Variants in MTUS2 observed in about 807,000 individuals in gnomAD.
The protein encoded by MTUS2 is microtubule associated scaffold protein 2.
MTUS2 carries 40 observed loss-of-function variants against 114.1 expected under a neutral mutation model. The observed-to-expected ratio is 0.35, with a 90% confidence interval of 0.27 to 0.46. The LOEUF is 0.46. Among genes scored for constraint, MTUS2 ranks in the 20% least tolerant of loss-of-function variants. The probability of loss-of-function intolerance (pLI) is 1.00; values close to 1 mark genes in which losing one functional copy is unlikely to be tolerated. For synonymous variants in MTUS2, 688 were observed against 672.0 expected, an observed-to-expected ratio of 1.02 and a Z score of -0.37; for missense variants, 1,679 against 1,705.4, an observed-to-expected ratio of 0.98 and a Z score of 0.27.
At chr13:28,992,561 A>G (rs1181851130) in intron 2 of MTUS2, among the ~76,000 whole-genome samples, 1 of 152,164 alleles carries the variant, frequency 6.6e-6, no homozygotes, top group African/African-American at 2.4e-5. Context: ...ACTTCCAGGA[A>G]GGTACTATTG....
chr13:29,216,007 C>T (rs1348425229), intron 5 of MTUS2, among the ~76,000 whole-genome samples: 1 of 152,188 alleles, frequency 6.6e-6, no homozygotes, highest in East Asian at 1.9e-4. Context: ...TGCTCTGTCC[C>T]AGGGAGATCG....
intron 2 of MTUS2, among the ~76,000 whole-genome samples, chr13:28,903,444 T>C (rs1399205595): frequency 2.4e-5 from 3 of 125,036 alleles, no homozygotes; most frequent in African/African-American, 9.3e-5. Context: ...CCCTGGTGTG[T>C]GATGTTCCCC....
chr13:28,918,701 A>T (rs780074693), intron 2 of MTUS2, among the ~76,000 whole-genome samples: 1 of 151,066 alleles, frequency 6.6e-6, no homozygotes, highest in African/African-American at 2.4e-5. Flanking sequence ...GTAAGAGCTT[A>T]CTCTTGCTAT....
chr13:29,159,053 A>C (rs1217383968), intron 5 of MTUS2, among the ~76,000 whole-genome samples: 1 of 152,242 alleles, frequency 6.6e-6, no homozygotes, highest in Non-Finnish European at 1.5e-5. Context: ...TGCTGCTTTA[A>C]AAATGATGTG....
intron 2 of MTUS2, among the ~76,000 whole-genome samples, chr13:28,846,979 G>A (rs546492717): frequency 2.2e-4 from 33 of 152,250 alleles, no homozygotes; most frequent in South Asian, 1.9e-3. Context: ...CACGTAATGG[G>A]GATCCATAAA....
chr13:29,344,889 A>G (rs1198290489), intron 7 of MTUS2, among the ~76,000 whole-genome samples: 1 of 152,164 alleles, frequency 6.6e-6, no homozygotes, highest in East Asian at 1.9e-4. Flanking sequence ...TGTTTGTATG[A>G]AAAAATTCTG....
rs751796555 is a variant in MTUS2 at position 29,024,897 on chromosome 13, G to A, written c.199G>A (p.Glu67Lys). ...TGAAATTGGAAATACAAATTCAAGT[G>A]AGCCAGAAAACCGTACCCATTTCCA... ...GDEIGNTNSS[E>K]PENRTHFHKE... Residue 67 changes from glutamate (E) to lysine (K), a missense_variant, in exon 3 of 16, where the codon GAG becomes AAG. Around this residue, in one of 3 missense-constraint regions of MTUS2, gnomAD observed 843 missense variants for 770.8 expected, o/e 1.09. Transcript: ENST00000612955. The A allele has an allele frequency of 6.2e-7, 1 of 1,613,894 alleles. No individual in the cohort carries two copies. The highest frequency in any genetic ancestry group is 2.2e-5 in the East Asian group (1 of 44,876).
At chr13:29,150,419 C>T (rs139478775) in intron 5 of MTUS2, among the ~76,000 whole-genome samples, 61 of 152,142 alleles carry the variant, frequency 4.0e-4, no homozygotes, top group Middle Eastern at 3.4e-3. Flanking sequence ...CACTTAAGTT[C>T]CTTATGGATT....
chr13:28,833,466 CATCTT>C (rs1180389717), intron 1 of MTUS2, among the ~76,000 whole-genome samples: 2 of 151,964 alleles, frequency 1.3e-5, no homozygotes, highest in Non-Finnish European at 2.9e-5. Context: ...ACCCCATAAT[CATCTT>C]AATAGAAACA....
intron 6 of MTUS2, among the ~76,000 whole-genome samples, chr13:29,283,872 C>T (rs1438182187): frequency 6.6e-6 from 1 of 152,130 alleles, no homozygotes; most frequent in Non-Finnish European, 1.5e-5. Context: ...GATTATGATA[C>T]CCTACCAATC....
chr13:29,389,987 GTGTA>G (rs781641879), intron 8 of MTUS2, among the ~76,000 whole-genome samples: 1,407 of 26,460 alleles, frequency 0.053, 454 homozygotes, highest in African/African-American at 0.12. Context: ...ATACATGTAT[GTGTA>G]TGTATGTATG....
intron 8 of MTUS2, among the ~76,000 whole-genome samples, chr13:29,420,283 CTT>C (rs34081195): frequency 1.5e-5 from 2 of 137,458 alleles, no homozygotes; most frequent in Non-Finnish European, 1.6e-5. Flanking sequence ...TCTTTCTTTC[CTT>C]TTTTTTTTTT....
At chr13:29,452,844 G>A (rs982406644) in intron 9 of MTUS2, among the ~76,000 whole-genome samples, 1 of 152,104 alleles carries the variant, frequency 6.6e-6, no homozygotes, top group Non-Finnish European at 1.5e-5. Context: ...TCACCCTGGG[G>A]ACAAGCAGCT....
chr13:28,882,197 T>C (rs1878332415), intron 2 of MTUS2, among the ~76,000 whole-genome samples: 1 of 152,038 alleles, frequency 6.6e-6, no homozygotes, highest in African/African-American at 2.4e-5. Context: ...GTAGCTGGGA[T>C]TACAGGTGCA....
intron 2 of MTUS2, among the ~76,000 whole-genome samples, chr13:28,901,205 TA>T (rs904439402): frequency 1.7e-3 from 258 of 151,978 alleles, no homozygotes; most frequent in East Asian, 2.9e-3. Context: ...TTTTGCTCAT[TA>T]AAAAAAAATT....
At chr13:28,866,435 C>G (rs905581659) in intron 2 of MTUS2, among the ~76,000 whole-genome samples, 2 of 152,132 alleles carry the variant, frequency 1.3e-5, no homozygotes, top group African/African-American at 4.8e-5. Context: ...TGTGCCGCCT[C>G]GAGCTTCTTG....
At chr13:29,405,693 G>C (rs1347817977) in intron 8 of MTUS2, among the ~76,000 whole-genome samples, 1 of 151,726 alleles carries the variant, frequency 6.6e-6, no homozygotes, top group East Asian at 1.9e-4. Context: ...TTCCAAGCAG[G>C]CATAAAATTA....
At chr13:29,392,916 T>TA (rs552951131) in intron 8 of MTUS2, among the ~76,000 whole-genome samples, 326 of 152,288 alleles carry the variant, frequency 2.1e-3, no homozygotes, top group African/African-American at 7.3e-3. Context: ...AAAATTAACT[T>TA]AAAAAACCGA....
At chr13:28,867,175 T>G (rs1877347702) in intron 2 of MTUS2, among the ~76,000 whole-genome samples, 2 of 152,312 alleles carry the variant, frequency 1.3e-5, no homozygotes, top group Non-Finnish European at 2.9e-5. Context: ...TGGCAACATT[T>G]TTAGCTTCTG....
Sources: gnomAD v4.1 joint callset for allele counts (sites outside exome capture counted in the v4.1 genomes callset) on GRCh38, gnomAD v4.1.1 for gene constraint, gnomAD v4.1.1 regional missense constraint, MANE v1.5 for transcripts, NCBI Gene and HGNC (gene_info 2026-07-23, HGNC 2026-07-21) for gene names.